The following SEM1 variants were observed in gnomAD, a reference collection of about 807,000 sequenced individuals.
The protein encoded by SEM1 is 26S proteasome complex subunit SEM1.
In SEM1, 3 loss-of-function variants were observed where a neutral mutation model predicts 12.7. The observed-to-expected ratio is 0.24, with a 90% CI of 0.11 to 0.61. The LOEUF is 0.61. Ranked by LOEUF, SEM1 falls within the 20% of genes least tolerant of loss-of-function variation. SEM1 has a pLI of 0.88. For missense variants in SEM1, 59 were observed against 81.3 expected, an observed-to-expected ratio of 0.73 and a Z score of 1.06; for synonymous variants, 30 against 27.8, an observed-to-expected ratio of 1.08 and a Z score of -0.25.
intron 3 of SEM1, among the ~76,000 whole-genome samples, chr7:96,502,258 G>C (rs1803589457): frequency 6.6e-6 from 1 of 152,006 alleles, no homozygotes; most frequent in Non-Finnish European, 1.5e-5. Flanking sequence ...CCTGATTCTG[G>C]GGCCTAGGCT....
chr7:96,641,386 A>G (rs150537368), intron 2 of SEM1, among the ~76,000 whole-genome samples: 172 of 151,968 alleles, frequency 1.1e-3, no homozygotes, highest in African/African-American at 4.0e-3. Flanking sequence ...TCTTAGAGTT[A>G]CTTTATTTTA....
chr7:96,509,135 C>A (rs957691572), intron 2 of SEM1, among the ~76,000 whole-genome samples: 2 of 150,030 alleles, frequency 1.3e-5, no homozygotes, highest in African/African-American at 2.5e-5. Context: ...TACAGGCATG[C>A]ACCACCACGT....
chr7:96,683,624 A>G (rs552829313), intron 2 of SEM1, among the ~76,000 whole-genome samples: 1 of 152,294 alleles, frequency 6.6e-6, no homozygotes, highest in Non-Finnish European at 1.5e-5. Context: ...AAGACTTGGA[A>G]CCAACCCAAA....
At chr7:96,616,478 T>C (rs553116345) in intron 2 of SEM1, among the ~76,000 whole-genome samples, 49 of 152,308 alleles carry the variant, frequency 3.2e-4, no homozygotes, top group African/African-American at 1.1e-3. Context: ...TTGCAAATAC[T>C]TTTTCCCTAT....
At chr7:96,634,956 A>G (rs1407360312) in intron 2 of SEM1, among the ~76,000 whole-genome samples, 1 of 152,164 alleles carries the variant, frequency 6.6e-6, no homozygotes, top group Non-Finnish European at 1.5e-5. Context: ...ATTTATAAAC[A>G]TCACTCTGGT....
At chr7:96,607,629 G>A (rs1205181639) in intron 2 of SEM1, among the ~76,000 whole-genome samples, 1 of 151,294 alleles carries the variant, frequency 6.6e-6, no homozygotes, top group Non-Finnish European at 1.5e-5. Context: ...CCCACCTCAT[G>A]TACATTGATT....
At chr7:96,549,266 C>A (rs559730088) in intron 2 of SEM1, among the ~76,000 whole-genome samples, 1 of 152,308 alleles carries the variant, frequency 6.6e-6, no homozygotes, top group Non-Finnish European at 1.5e-5. Flanking sequence ...TCTCAAGAAG[C>A]CCCTCAGTCC....
Position 96,583,649 on chromosome 7 carries a change from G to A in SEM1, c.171-76951C>T, listed in dbSNP as rs893295126. On this transcript the variant is annotated intron_variant and NMD_transcript_variant, in intron 2 of 3. Transcript: ENST00000466986. ...ACTCAGGACTTGCTTTATGAATCTG[G>A]GTGCTCCTGTATTGGGTGCATATAT... Among the ~76,000 whole-genome samples, 363 of 150,268 alleles carry A rather than the reference G, an allele frequency of 2.4e-3. 4 individuals are homozygous for A. Among genetic ancestry groups the A allele is most frequent in the African/African-American group, 8.2e-3 (339 of 41,130 alleles).
intron 2 of SEM1, among the ~76,000 whole-genome samples, chr7:96,682,804 A>G (rs1246672951): frequency 6.6e-6 from 1 of 152,050 alleles, no homozygotes; most frequent in Non-Finnish European, 1.5e-5. Context: ...TCCTTTGTCT[A>G]TCTTTGGATA....
At chr7:96,637,146 A>G (rs144227673) in intron 2 of SEM1, 20 of 152,148 alleles carry the variant, frequency 1.3e-4, no homozygotes, top group Non-Finnish European at 2.4e-4. Context: ...GAGAGGGTAT[A>G]TATGACTGCG....
rs544848457 is a variant in SEM1, at chr7:96,703,972, A to AAAACACAC, written c.76+5715_76+5716insGTGTGTTT. 7.1e-4 allele frequency among the ~76,000 whole-genome samples: 101 copies of AAAACACAC among 142,182 alleles called. 1 individual carries two copies. In the East Asian group the frequency reaches 0.018, roughly 25 times the overall value. The allele number at this position is 142,182 out of a possible 152,430, so 93.3% of individuals were successfully genotyped here. On this transcript the variant is annotated intron_variant, in intron 1 of 2. Coordinates refer to ENST00000248566, the MANE Select transcript of SEM1 (RefSeq NM_006304.2). ...CCAGAGCAAGACCTTGTCTCTTAAA[A>AAAACACAC]ACACACACACACACACACACACACA...
At chr7:96,592,992 C>T (rs1304734701) in intron 2 of SEM1, among the ~76,000 whole-genome samples, 1 of 119,438 alleles carries the variant, frequency 8.4e-6, no homozygotes, top group African/African-American at 3.7e-5. Context: ...CTGTAATTCT[C>T]CCATATTAAA....
chr7:96,595,156 A>G (rs1409601174), intron 2 of SEM1, among the ~76,000 whole-genome samples: 1 of 152,266 alleles, frequency 6.6e-6, no homozygotes, highest in African/African-American at 2.4e-5. Context: ...TTCTCAAACT[A>G]GGTAATATTT....
At chr7:96,605,315 A>T (rs1455129583) in intron 2 of SEM1, among the ~76,000 whole-genome samples, 1 of 152,134 alleles carries the variant, frequency 6.6e-6, no homozygotes. Flanking sequence ...GGTGTCTTGA[A>T]TTTTTTTCCC....
chr7:96,645,593 A>G (rs1426308321), intron 2 of SEM1: 3 of 395,496 alleles, frequency 7.6e-6, no homozygotes, highest in Non-Finnish European at 4.5e-6. Flanking sequence ...AGAACTGCAA[A>G]GAGTGTTCCA....
chr7:96,705,453 C>T (rs1318689142), intron 1 of SEM1, among the ~76,000 whole-genome samples: 1 of 151,682 alleles, frequency 6.6e-6, no homozygotes, highest in African/African-American at 2.4e-5. Context: ...TACTCGAATC[C>T]ACATCTAATT....
intron 2 of SEM1, among the ~76,000 whole-genome samples, chr7:96,530,099 A>G (rs1563048342): frequency 6.6e-6 from 1 of 152,074 alleles, no homozygotes; most frequent in Admixed American, 6.6e-5. Flanking sequence ...TCGTGTTACC[A>G]TTGTAACATG....
At chr7:96,683,471 T>C (rs1463862124) in intron 2 of SEM1, among the ~76,000 whole-genome samples, 1 of 152,178 alleles carries the variant, frequency 6.6e-6, no homozygotes, top group Non-Finnish European at 1.5e-5. Flanking sequence ...TGGAAGTCAG[T>C]GTGGCGATTC....
intron 2 of SEM1, among the ~76,000 whole-genome samples, chr7:96,660,649 A>G (rs2116515745): frequency 6.6e-6 from 1 of 152,276 alleles, no homozygotes; most frequent in Admixed American, 6.5e-5. Context: ...TCATCCAATG[A>G]TCTAGTGAAA....
Sources: allele counts gnomAD v4.1 joint callset (sites outside exome capture counted in the v4.1 genomes callset), GRCh38; gene constraint gnomAD v4.1.1; transcripts MANE v1.5; gene names NCBI Gene and HGNC (gene_info 2026-07-23, HGNC 2026-07-21).